WWOX: variants seen among roughly 807,000 people sequenced by gnomAD.
The protein encoded by WWOX is WW domain-containing oxidoreductase.
In WWOX, 69 loss-of-function variants were observed where a neutral mutation model predicts 46.2. That is an observed-to-expected ratio of 1.49 (90% CI 1.23 to 1.82). WWOX has a LOEUF of 1.82. WWOX is among the 40% of genes most tolerant of loss of function. WWOX has a pLI of 0.00. For missense variants in WWOX, 919 were observed against 542.6 expected, an observed-to-expected ratio of 1.69 and a Z score of -6.89; for synonymous variants, 359 against 202.6, an observed-to-expected ratio of 1.77 and a Z score of -6.56.
At chr16:78,664,234 G>A (rs1399069635) in intron 8 of WWOX, among the ~76,000 whole-genome samples, 2 of 152,162 alleles carry the variant, frequency 1.3e-5, no homozygotes, top group Non-Finnish European at 2.9e-5. Flanking sequence ...ATATTCAAAT[G>A]TAATTGTCAG....
At chr16:78,894,886 C>G (rs553969041) in intron 8 of WWOX, among the ~76,000 whole-genome samples, 4 of 152,240 alleles carry the variant, frequency 2.6e-5, no homozygotes, top group African/African-American at 7.2e-5. Context: ...TAACTCAGTT[C>G]TCGGAATTTT....
chr16:78,616,559 C>A (rs4888818), intron 8 of WWOX, among the ~76,000 whole-genome samples: 2,467 of 151,040 alleles, frequency 0.016, 56 homozygotes, highest in East Asian at 0.056. Flanking sequence ...CACTTGAGGT[C>A]AGGAGGTCGA....
intron 5 of WWOX, among the ~76,000 whole-genome samples, chr16:78,311,066 C>T (rs1035763999): frequency 8.5e-5 from 13 of 152,102 alleles, no homozygotes; most frequent in Non-Finnish European, 1.5e-5. Context: ...GAATAGTCTC[C>T]CAGAAGCTAT....
chr16:78,197,387 A>G (rs1183786923), intron 5 of WWOX, among the ~76,000 whole-genome samples: 1 of 152,200 alleles, frequency 6.6e-6, no homozygotes, highest in Non-Finnish European at 1.5e-5. Flanking sequence ...ATCAAGTATA[A>G]TGGATATAAT....
chr16:79,092,615 T>A (rs1490387452), intron 8 of WWOX, among the ~76,000 whole-genome samples: 1 of 152,330 alleles, frequency 6.6e-6, no homozygotes, highest in African/African-American at 2.4e-5. Flanking sequence ...ATCTGATTCA[T>A]CTGGCGAAAC....
chr16:78,525,135 G>C (rs1456146638), intron 8 of WWOX: 2 of 150,106 alleles, frequency 1.3e-5, no homozygotes, highest in Non-Finnish European at 3.0e-5. Flanking sequence ...CCAAGTGCTG[G>C]GATTATAGGC....
intron 8 of WWOX, among the ~76,000 whole-genome samples, chr16:79,137,022 A>G (rs1354985517): frequency 2.0e-5 from 3 of 152,194 alleles, no homozygotes; most frequent in African/African-American, 4.8e-5. Context: ...GGCTATTGTG[A>G]TGTTTTATTA....
At chr16:79,196,287 T>A (rs1460169961) in intron 8 of WWOX, 1 of 152,228 alleles carries the variant, frequency 6.6e-6, no homozygotes, top group African/African-American at 2.4e-5. Flanking sequence ...TTACTTGTCA[T>A]AACGTGCAGA....
At chr16:79,072,911 C>G (rs2048578323) in intron 8 of WWOX, among the ~76,000 whole-genome samples, 1 of 152,090 alleles carries the variant, frequency 6.6e-6, no homozygotes, top group Non-Finnish European at 1.5e-5. Flanking sequence ...GTTTAGTTGC[C>G]ACTTTCAGCT....
chr16:78,543,094 C>T lies in WWOX; in HGVS notation c.1056+110342C>T, dbSNP rs1163512340. On this transcript the variant is annotated intron_variant, in intron 8 of 8. Transcript: ENST00000566780. ...ACATGTGTTTCATTTCTTGCTCATA[C>T]GACATGTCCAGTGTGGGCTGGCATG... Among the ~76,000 whole-genome samples the T allele has an allele frequency of 5.9e-5, 9 of 152,338 alleles. No individual in the cohort carries two copies. In the South Asian group the frequency reaches 6.2e-4, roughly 11 times the overall value.
At chr16:78,851,155 C>A (rs953913815) in intron 8 of WWOX, among the ~76,000 whole-genome samples, 1 of 152,202 alleles carries the variant, frequency 6.6e-6, no homozygotes, top group African/African-American at 2.4e-5. Flanking sequence ...CACCCTCAAA[C>A]TTGCTCATTC....
intron 8 of WWOX, among the ~76,000 whole-genome samples, chr16:78,705,079 A>G (rs2048303670): frequency 2.0e-5 from 3 of 152,106 alleles, no homozygotes; most frequent in African/African-American, 7.2e-5. Context: ...TGCCTGGTTT[A>G]TTGAGTTAGT....
chr16:78,897,240 T>TAAAAAAAAAA (rs60048933), intron 8 of WWOX: 21 of 53,722 alleles, frequency 3.9e-4, no homozygotes, highest in African/African-American at 1.7e-3. Flanking sequence ...AGACTGTCTT[T>TAAAAAAAAAA]AAAAAAAAAA....
At chr16:78,198,905 C>G (rs1050093960) in intron 5 of WWOX, among the ~76,000 whole-genome samples, 12 of 152,066 alleles carry the variant, frequency 7.9e-5, no homozygotes, top group African/African-American at 2.9e-4. Context: ...GAGTTCTTTA[C>G]TCCCTTTCTC....
At chr16:78,967,465 T>TG (rs1165052464) in intron 8 of WWOX, among the ~76,000 whole-genome samples, 2 of 144,432 alleles carry the variant, frequency 1.4e-5, no homozygotes, top group African/African-American at 2.5e-5. Context: ...TGTGGTTTTT[T>TG]TTTTTTTTTT....
At chr16:78,924,634 G>T (rs73583227) in intron 8 of WWOX, among the ~76,000 whole-genome samples, 3,630 of 152,256 alleles carry the variant, frequency 0.024, 134 homozygotes, top group African/African-American at 0.076. Flanking sequence ...TGTTTAGAAA[G>T]TGTTAATTTA....
chr16:78,420,741 T>C (rs1461147739), intron 6 of WWOX, among the ~76,000 whole-genome samples: 1 of 151,776 alleles, frequency 6.6e-6, no homozygotes, highest in African/African-American at 2.4e-5. Context: ...AAAACAGCTG[T>C]ACAGTATACA....
At chr16:79,153,530 G>A (rs2050322216) in intron 8 of WWOX, among the ~76,000 whole-genome samples, 2 of 152,234 alleles carry the variant, frequency 1.3e-5, no homozygotes, top group African/African-American at 4.8e-5. Context: ...ATGCACTTGT[G>A]GAAATTCGGA....
At chr16:78,994,201 C>G (rs1028066178) in intron 8 of WWOX, 2 of 151,686 alleles carry the variant, frequency 1.3e-5, no homozygotes, top group African/African-American at 4.8e-5. Flanking sequence ...TATAGGCCTT[C>G]TTGTTTTGTG....
Sources: gnomAD v4.1 joint callset for allele counts (sites outside exome capture counted in the v4.1 genomes callset) on GRCh38, gnomAD v4.1.1 for gene constraint, MANE v1.5 for transcripts, NCBI Gene and HGNC (gene_info 2026-07-23, HGNC 2026-07-21) for gene names.